Variants in LRRC8B observed in about 807,000 individuals in gnomAD.
LRRC8B encodes the protein leucine rich repeat containing 8 VRAC subunit B.
LRRC8B carries 23 observed loss-of-function variants against 58.8 expected under a neutral mutation model. The ratio of observed to expected loss-of-function variants is 0.39; its 90% CI spans 0.28 to 0.55. The LOEUF (loss-of-function observed/expected upper bound fraction) is 0.55. Among genes scored for constraint, LRRC8B ranks in the 20% least tolerant of loss-of-function variants. The pLI is 0.62. For synonymous variants in LRRC8B, 359 were observed against 374.1 expected, an observed-to-expected ratio of 0.96 and a Z score of 0.47; for missense variants, 694 against 936.0, an observed-to-expected ratio of 0.74 and a Z score of 3.37.
At chr1:89,548,586 G>T (rs565675497) in intron 1 of LRRC8B, among the ~76,000 whole-genome samples, 359 of 152,278 alleles carry the variant, frequency 2.4e-3, no homozygotes, top group South Asian at 3.7e-3. Flanking sequence ...AAAATTCAAA[G>T]CCTCAAGCAA....
intron 1 of LRRC8B, among the ~76,000 whole-genome samples, chr1:89,567,137 A>G (rs1278327420): frequency 1.3e-5 from 2 of 152,132 alleles, no homozygotes; most frequent in African/African-American, 4.8e-5. Flanking sequence ...TGCTTTAACA[A>G]TCTTTGTCCT....
intron 1 of LRRC8B, among the ~76,000 whole-genome samples, chr1:89,535,690 T>A (rs1231002461): frequency 1.3e-5 from 2 of 152,072 alleles, no homozygotes; most frequent in Admixed American, 6.6e-5. Flanking sequence ...ATTATTAGAC[T>A]AGATACAAAA....
rs1183769528 is a variant in LRRC8B at position 89,549,489 on chromosome 1, A to G, written c.-240-18758A>G. On this transcript the variant is annotated intron_variant, in intron 1 of 5. Transcript: ENST00000330947. ...TGTTTTGTTAGTGAGTTGACAGTTC[A>G]TGATCAGGAAGACAATGAGCACCTG... is the stretch of plus-strand genomic sequence containing the variant. Among the ~76,000 whole-genome samples the G allele has an allele frequency of 2.6e-5, 4 of 152,246 alleles. No homozygotes were observed. The East Asian group carries it at 5.8e-4, about 22-fold the overall frequency.
intron 1 of LRRC8B, among the ~76,000 whole-genome samples, chr1:89,563,532 G>A (rs141314898): frequency 6.6e-6 from 1 of 152,258 alleles, no homozygotes; most frequent in East Asian, 1.9e-4. Flanking sequence ...ACACTTTCTA[G>A]TAATGAGTCT....
chr1:89,578,584 A>T (rs2101043429), intron 3 of LRRC8B, among the ~76,000 whole-genome samples: 1 of 152,370 alleles, frequency 6.6e-6, no homozygotes, highest in African/African-American at 2.4e-5. Flanking sequence ...GTAAACCCAA[A>T]GTAAGTTTTG....
chr1:89,578,644 G>T (rs1230427447), intron 3 of LRRC8B, among the ~76,000 whole-genome samples: 1 of 152,112 alleles, frequency 6.6e-6, no homozygotes, highest in African/African-American at 2.4e-5. Context: ...AAAGATTATT[G>T]CTAAAAGTAT....
chr1:89,592,885 C>T lies in LRRC8B; in HGVS notation c.2254C>T (p.His752Tyr). 1 of 1,614,074 alleles carries T rather than the reference C, an allele frequency of 6.2e-7. No homozygotes were observed. The highest frequency in any genetic ancestry group is 1.1e-5 in the South Asian group (1 of 91,080). The change falls in exon 6 of 6, where the codon CAT (histidine) becomes TAT (tyrosine). Residue 752 changes from histidine (H) to tyrosine (Y), a missense_variant. Physicochemically the swap from His to Tyr is moderately conservative, Grantham distance 83 (BLOSUM62 2). Coordinates refer to ENST00000330947, the MANE Select transcript of LRRC8B (RefSeq NM_001369817.2). ...TGTGGGTGAGCTGTCAAACCTTACT[C>T]ATCTGGAGCTCATTGGTAATTACCT... Reference protein sequence around the residue: ...PHVGELSNLTHLELIGNYLET... With the variant: ...PHVGELSNLTYLELIGNYLET...
In LRRC8B at chr1:89,583,075, A is replaced by G. The variant is rs1440441687; in HGVS notation, c.425A>G (p.Tyr142Cys). ...FAACSNFWLH[Y>C]PSTSSRLEHF... ...GCCTGCAGCAACTTTTGGCTTCACT[A>G]CCCCAGTACCAGTTCCAGGCTCGAG... Residue 142 changes from tyrosine (Y) to cysteine (C), a missense_variant, in exon 5 of 6, where the codon TAC becomes TGC. Around this residue, in one of 5 missense-constraint regions of LRRC8B, gnomAD observed 316 missense variants for 403.8 expected, o/e 0.78. Transcript: ENST00000330947. This position sits in a 1 kb window ranked among gnomAD's most constrained non-coding sequence, Gnocchi z 5.2. 6.2e-7 allele frequency: 1 copy of G among 1,614,002 alleles called. No homozygotes were observed. The highest frequency in any genetic ancestry group is 8.5e-7 in the Non-Finnish European group (1 of 1,180,002).
intron 3 of LRRC8B, among the ~76,000 whole-genome samples, chr1:89,578,890 A>G (rs1028659145): frequency 8.5e-5 from 13 of 152,338 alleles, no homozygotes; most frequent in South Asian, 8.3e-4. Flanking sequence ...TAAATGTTAC[A>G]AATGGCTTTT....
chr1:89,562,109 A>G (rs1652706001), intron 1 of LRRC8B, among the ~76,000 whole-genome samples: 1 of 149,960 alleles, frequency 6.7e-6, no homozygotes, highest in Admixed American at 6.8e-5. Context: ...GCTATCACTA[A>G]GGCCAAGGAT....
rs751655384 is a variant in LRRC8B at position 89,589,601 on chromosome 1, G to A, written c.2140-3170G>A. Among the ~76,000 whole-genome samples, 24 of 150,486 alleles carry A rather than the reference G, an allele frequency of 1.6e-4. 1 individual carries two copies. Among genetic ancestry groups the A allele is most frequent in the Middle Eastern group, 6.9e-3 (2 of 290 alleles). On this transcript the variant is annotated intron_variant, in intron 5 of 5. Transcript: ENST00000330947. Reference sequence around the variant, plus strand: ...ATATTAGTTTGAAGACTTCTAGCCAGAAGGTGAATAATGTAGAAATTCCTT... The same window carrying A: ...ATATTAGTTTGAAGACTTCTAGCCAAAAGGTGAATAATGTAGAAATTCCTT...
Position 89,596,929 on chromosome 1 carries a change from G to A in LRRC8B, c.*3886G>A, listed in dbSNP as rs1655332328. On this transcript the variant is annotated 3_prime_UTR_variant, in exon 6 of 6. Coordinates refer to ENST00000330947, the MANE Select transcript of LRRC8B (RefSeq NM_001369817.2). ...TTTTCAGTAACTGTACATTGCATCA[G>A]AATCTGTTTATTTCTATCTGGAAAC... The A allele has an allele frequency of 6.6e-6, 1 of 152,148 alleles. No homozygotes were observed. The highest frequency in any genetic ancestry group is 1.5e-5 in the Non-Finnish European group (1 of 68,000). The allele number at this position is 152,148 out of a possible 1,614,324, so 9.4% of individuals were successfully genotyped here. A position where few individuals can be genotyped will look rare whatever the true frequency, so the allele number is the denominator to read the frequency against.
intron 3 of LRRC8B, among the ~76,000 whole-genome samples, chr1:89,576,716 T>TC (rs2101036097): frequency 6.6e-6 from 1 of 152,270 alleles, no homozygotes; most frequent in South Asian, 2.1e-4. Context: ...ATTAGAAAAA[T>TC]CTTTCTTTCT....
chr1:89,579,641 G>T lies in LRRC8B; in HGVS notation c.-74G>T, dbSNP rs976424574. On this transcript the variant is annotated 5_prime_UTR_variant, in exon 4 of 6. Coordinates refer to ENST00000330947, the MANE Select transcript of LRRC8B (RefSeq NM_001369817.2). ...TGTCTAAGAAACTTCAAAAGGTGTA[G>T]ACCTCCTGACTGAAGCATATTGGAT... The T allele has an allele frequency of 6.6e-6, 1 of 152,606 alleles. No individual in the cohort carries two copies. The allele number at this position is 152,606 out of a possible 1,614,324, so 9.5% of individuals were successfully genotyped here.
chr1:89,566,745 A>C (rs1480714659), intron 1 of LRRC8B, among the ~76,000 whole-genome samples: 2 of 152,246 alleles, frequency 1.3e-5, no homozygotes, highest in African/African-American at 4.8e-5. Flanking sequence ...AAGAACATCA[A>C]GAGTAAGATC....
intron 1 of LRRC8B, among the ~76,000 whole-genome samples, chr1:89,567,987 A>T (rs560930072): frequency 5.1e-4 from 78 of 152,274 alleles, no homozygotes; most frequent in African/African-American, 1.8e-3. Context: ...AATTGTATAA[A>T]ACGAGTAGGT....
intron 1 of LRRC8B, among the ~76,000 whole-genome samples, chr1:89,535,651 A>T (rs1650474646): frequency 6.6e-6 from 1 of 152,244 alleles, no homozygotes; most frequent in Non-Finnish European, 1.5e-5. Flanking sequence ...CTAGAATAGT[A>T]AGAAATTGTA....
chr1:89,570,745 T>G (rs1653409157), intron 3 of LRRC8B, among the ~76,000 whole-genome samples: 1 of 152,254 alleles, frequency 6.6e-6, no homozygotes. Flanking sequence ...TTTTTGCTTT[T>G]GTTCCAATTG....
Position 89,596,840 on chromosome 1 carries a change from A to C in LRRC8B, c.*3797A>C, listed in dbSNP as rs1355888989. On this transcript the variant is annotated 3_prime_UTR_variant, in exon 6 of 6. Transcript: ENST00000330947. ...CTCATTGAGTAGTTTTACTTTGCCCATCCTGCAGTATTTAGAGCTGATCTG... is the reference window on the plus strand; with the variant it reads ...CTCATTGAGTAGTTTTACTTTGCCCCTCCTGCAGTATTTAGAGCTGATCTG... The C allele has an allele frequency of 3.3e-5, 5 of 152,200 alleles. No homozygotes were observed. The highest frequency in any genetic ancestry group is 1.2e-4 in the African/African-American group (5 of 41,452). The allele number at this position is 152,200 out of a possible 1,614,324, so 9.4% of individuals were successfully genotyped here.
Sources: allele counts gnomAD v4.1 joint callset (sites outside exome capture counted in the v4.1 genomes callset), GRCh38; gene constraint gnomAD v4.1.1; regional missense constraint gnomAD v4.1.1; non-coding constraint Gnocchi (gnomAD v3.1); transcripts MANE v1.5; gene names NCBI Gene and HGNC (gene_info 2026-07-23, HGNC 2026-07-21).